Variants in ZFHX4 observed in about 807,000 individuals in gnomAD.
ZFHX4 encodes the protein zinc finger homeobox 4.
ZFHX4 carries 56 observed loss-of-function variants against 267.6 expected under a neutral mutation model. The observed-to-expected ratio is 0.21, with a 90% CI of 0.17 to 0.26. The LOEUF (loss-of-function observed/expected upper bound fraction) is 0.26, where lower values mean the gene tolerates loss of function less well. Among genes scored for constraint, ZFHX4 ranks in the 10% least tolerant of loss-of-function variants. ZFHX4 has a pLI of 1.00. For synonymous variants in ZFHX4, 1,778 were observed against 1,665.6 expected, an observed-to-expected ratio of 1.07 and a Z score of -1.64; for missense variants, 4,332 against 4,420.0, an observed-to-expected ratio of 0.98 and a Z score of 0.56.
Position 76,855,050 on chromosome 8 carries a change from C to T in ZFHX4, c.8129C>T (p.Pro2710Leu). The part of the protein sequence containing the change: ...NEGKQAGYSL[P>L]PSPLISTEDG... ...GGAAAGCAGGCAGGTTACAGCTTGC[C>T]ACCAAGCCCTTTAATATCCACCGAA... The change falls in exon 10 of 11, where the codon CCA becomes CTA. Residue 2710 changes from proline (P) to leucine (L), a missense_variant. This residue lies in a region of ZFHX4 where 1,648 missense variants were observed against 1,625.0 expected (regional missense o/e 1.01). Transcript: ENST00000651372. 1 of 1,613,928 alleles carries T rather than the reference C, an allele frequency of 6.2e-7. No homozygotes were observed. Among genetic ancestry groups the T allele is most frequent in the Non-Finnish European group, 8.5e-7 (1 of 1,179,868 alleles).
chr8:76,823,888 G>GTAGCGA (rs1489586846), intron 4 of ZFHX4, among the ~76,000 whole-genome samples: 1 of 152,162 alleles, frequency 6.6e-6, no homozygotes, highest in Non-Finnish European at 1.5e-5. Context: ...ATTATAAGTA[G>GTAGCGA]TAGCGATGCA....
chr8:76,815,232 A>G (rs987977496), intron 4 of ZFHX4, among the ~76,000 whole-genome samples: 2 of 152,170 alleles, frequency 1.3e-5, no homozygotes, highest in African/African-American at 4.8e-5. Flanking sequence ...GAAGGTTAAT[A>G]ATGTGAAAGG....
chr8:76,808,475 CG>C (rs1298448408), intron 4 of ZFHX4, among the ~76,000 whole-genome samples: 8 of 152,042 alleles, frequency 5.3e-5, no homozygotes, highest in Admixed American at 5.2e-4. Flanking sequence ...ACCTAGTAAG[CG>C]AGTTAAAGGC....
chr8:76,759,154 C>A (rs1483636623), intron 3 of ZFHX4, among the ~76,000 whole-genome samples: 4 of 151,988 alleles, frequency 2.6e-5, no homozygotes, highest in African/African-American at 7.2e-5. Flanking sequence ...AATCATTATC[C>A]TTTTTGTTCA....
In ZFHX4 at chr8:76,849,062, A is replaced by G. The variant is rs1812439181; in HGVS notation, c.3579A>G (p.Ala1193=). The change falls in exon 7 of 11, where the codon GCA becomes GCG. Residue 1193 remains alanine (A), a synonymous_variant. Coordinates refer to ENST00000651372, the MANE Select transcript of ZFHX4 (RefSeq NM_024721.5). ...VAGGTQPLLL[A]KEEDVATKRS... ...GGGGTACCCAGCCACTCCTGCTGGC[A>G]AAAGAAGAGGATGTTGCAACAAAAA... 1 of 1,569,286 alleles carries G rather than the reference A, an allele frequency of 6.4e-7. No individual in the cohort carries two copies. The highest frequency in any genetic ancestry group is 2.4e-5 in the East Asian group (1 of 42,232).
intron 4 of ZFHX4, among the ~76,000 whole-genome samples, chr8:76,805,986 A>G (rs1183118155): frequency 6.6e-6 from 1 of 152,158 alleles, no homozygotes; most frequent in Non-Finnish European, 1.5e-5. Context: ...AAAAAATACA[A>G]TAATGATCCT....
chr8:76,764,979 A>G (rs1440363198), intron 3 of ZFHX4, among the ~76,000 whole-genome samples: 2 of 152,110 alleles, frequency 1.3e-5, no homozygotes, highest in Non-Finnish European at 2.9e-5. Context: ...TTATTTCTTA[A>G]AAGGTGAGGA....
intron 1 of ZFHX4, among the ~76,000 whole-genome samples, chr8:76,684,742 C>T (rs966317145): frequency 2.0e-5 from 3 of 152,092 alleles, no homozygotes; most frequent in African/African-American, 7.2e-5. Flanking sequence ...ATGTTCAGTG[C>T]TTTTGTAATC....
chr8:76,684,960 C>G (rs1200440747), intron 1 of ZFHX4, among the ~76,000 whole-genome samples: 1 of 152,160 alleles, frequency 6.6e-6, no homozygotes, highest in Non-Finnish European at 1.5e-5. Flanking sequence ...AATATTAGAT[C>G]CTGCACTGGA....
intron 3 of ZFHX4, among the ~76,000 whole-genome samples, chr8:76,736,067 A>G (rs369683955): frequency 4.6e-5 from 7 of 152,040 alleles, no homozygotes; most frequent in Non-Finnish European, 8.8e-5. Context: ...TTTATTTTGA[A>G]TCCTAAAGCA....
At chr8:76,827,829 G>A (rs1311174073) in intron 4 of ZFHX4, among the ~76,000 whole-genome samples, 1 of 152,118 alleles carries the variant, frequency 6.6e-6, no homozygotes, top group Non-Finnish European at 1.5e-5. Context: ...AGACAGGGCA[G>A]GGCAAAGGAG....
chr8:76,776,639 A>G (rs1443261874), intron 3 of ZFHX4, among the ~76,000 whole-genome samples: 1 of 152,184 alleles, frequency 6.6e-6, no homozygotes, highest in Non-Finnish European at 1.5e-5. Context: ...AGTATGCAGA[A>G]TTTATTCAGA....
Position 76,855,665 on chromosome 8 carries a change from C to A in ZFHX4, c.8744C>A (p.Ser2915Tyr). Residue 2915 changes from serine (S) to tyrosine (Y), a missense_variant, in exon 10 of 11, where the codon TCC becomes TAC. Ser to Tyr is a moderately radical substitution (Grantham distance 144). Around this residue, in one of 7 missense-constraint regions of ZFHX4, gnomAD observed 1,648 missense variants for 1,625.0 expected, o/e 1.01. Coordinates refer to ENST00000651372, the MANE Select transcript of ZFHX4 (RefSeq NM_024721.5). ...ADPSSPNPFGSSNPFKSKSND... is the reference protein window; with the variant it reads ...ADPSSPNPFGYSNPFKSKSND... ...CCGAGCTCCCCAAATCCATTCGGAT[C>A]CAGCAATCCCTTTAAATCCAAAAGT... 6.2e-7 allele frequency: 1 copy of A among 1,613,926 alleles called. No homozygotes were observed. Among genetic ancestry groups the A allele is most frequent in the Non-Finnish European group, 8.5e-7 (1 of 1,179,872 alleles).
chr8:76,789,431 C>T (rs1282756077), intron 4 of ZFHX4, among the ~76,000 whole-genome samples: 2 of 152,122 alleles, frequency 1.3e-5, no homozygotes, highest in South Asian at 4.1e-4. Flanking sequence ...ATGTGCATAT[C>T]ACGGTAGGCA....
chr8:76,859,729 G>T (rs1489089427), intron 10 of ZFHX4, among the ~76,000 whole-genome samples: 1 of 152,058 alleles, frequency 6.6e-6, no homozygotes, highest in Admixed American at 6.6e-5. Context: ...ATAAGAGTAA[G>T]TCCTTAATAA....
At chr8:76,722,264 C>T (rs979071486) in intron 3 of ZFHX4, among the ~76,000 whole-genome samples, 1 of 151,998 alleles carries the variant, frequency 6.6e-6, no homozygotes, top group African/African-American at 2.4e-5. Context: ...ATGATAAGCT[C>T]CTATACCATA....
intron 3 of ZFHX4, among the ~76,000 whole-genome samples, chr8:76,738,712 T>TTCTCTCTCTC (rs571087005): frequency 2.1e-4 from 26 of 123,872 alleles, no homozygotes; most frequent in African/African-American, 7.8e-4. Flanking sequence ...CTCTCTCTCT[T>TTCTCTCTCTC]TCTCTCTCTC....
chr8:76,799,679 C>G (rs1028335777), intron 4 of ZFHX4, among the ~76,000 whole-genome samples: 13 of 152,158 alleles, frequency 8.5e-5, no homozygotes, highest in African/African-American at 2.9e-4. Flanking sequence ...TTTTGATGCT[C>G]CCTTTTATCT....
At chr8:76,809,145 C>A (rs1038128195) in intron 4 of ZFHX4, among the ~76,000 whole-genome samples, 2 of 152,078 alleles carry the variant, frequency 1.3e-5, no homozygotes, top group Non-Finnish European at 2.9e-5. Context: ...GTGTTATATA[C>A]CCCTAAAAAT....
Sources: gnomAD v4.1 joint callset for allele counts (sites outside exome capture counted in the v4.1 genomes callset) on GRCh38, gnomAD v4.1.1 for gene constraint, gnomAD v4.1.1 regional missense constraint, MANE v1.5 for transcripts, NCBI Gene and HGNC (gene_info 2026-07-23, HGNC 2026-07-21) for gene names.